Variants in SLC26A7 observed in about 807,000 individuals in gnomAD.
The protein encoded by SLC26A7 is anion exchange transporter.
In SLC26A7, 59 loss-of-function variants were observed where a neutral mutation model predicts 82.5. The observed-to-expected ratio is 0.72, with a 90% CI of 0.58 to 0.89. The LOEUF (loss-of-function observed/expected upper bound fraction) is 0.89. SLC26A7 is among the 40% of genes least tolerant of loss of function. The probability of loss-of-function intolerance (pLI) is 0.00; values close to 1 mark genes in which losing one functional copy is unlikely to be tolerated. For synonymous variants in SLC26A7, 271 were observed against 274.3 expected, an observed-to-expected ratio of 0.99 and a Z score of 0.12; for missense variants, 820 against 793.0, an observed-to-expected ratio of 1.03 and a Z score of -0.41.
At chr8:91,237,151 T>C (rs1810404298) in intron 2 of SLC26A7, among the ~76,000 whole-genome samples, 1 of 152,180 alleles carries the variant, frequency 6.6e-6, no homozygotes, top group Non-Finnish European at 1.5e-5. Context: ...GTATTTCCAA[T>C]CCAATTCACT....
rs544236379 is a variant in SLC26A7 at position 91,331,402 on chromosome 8, G to C, written c.643-2893G>C. Among the ~76,000 whole-genome samples, 8 of 152,138 alleles carry C rather than the reference G, an allele frequency of 5.3e-5. No individual in the cohort carries two copies. The South Asian group carries it at 1.7e-3, about 32-fold the overall frequency. Reference sequence around the variant, plus strand: ...ACATGTAACCTAGAGAATTCAACCAGTTCTCTTTTATTTTACTCTTTAAAT... The same window carrying C: ...ACATGTAACCTAGAGAATTCAACCACTTCTCTTTTATTTTACTCTTTAAAT... On this transcript the variant is annotated intron_variant, in intron 5 of 18. Transcript: ENST00000276609.
intron 9 of SLC26A7, among the ~76,000 whole-genome samples, chr8:91,350,824 G>A (rs1235192067): frequency 6.6e-6 from 1 of 151,990 alleles, no homozygotes; most frequent in Non-Finnish European, 1.5e-5. Flanking sequence ...ATTTCTCTTA[G>A]CCAGTCCTGA....
rs930479790 is a variant in SLC26A7 at position 91,395,942 on chromosome 8, G to A, written c.*845G>A. The A allele has an allele frequency of 1.3e-5, 2 of 152,020 alleles. No homozygotes were observed. The highest frequency in any genetic ancestry group is 2.9e-5 in the Non-Finnish European group (2 of 67,914). 9.4% of individuals were successfully genotyped at this position (152,020 alleles called of 1,614,324 possible). On this transcript the variant is annotated 3_prime_UTR_variant, in exon 19 of 19. Transcript: ENST00000276609. ...AAAATACCACTAGCAGAATAGCTTT[G>A]TGCTATTCCAGTATAAGATGAACTG... is the stretch of plus-strand genomic sequence containing the variant.
intron 2 of SLC26A7, among the ~76,000 whole-genome samples, chr8:91,285,709 C>A (rs1381166821): frequency 1.3e-5 from 2 of 152,168 alleles, no homozygotes; most frequent in Non-Finnish European, 2.9e-5. Flanking sequence ...AGCTCCATAA[C>A]CAATGGCTAT....
chr8:91,241,302 C>T (rs1017463448), intron 2 of SLC26A7, among the ~76,000 whole-genome samples: 6 of 144,584 alleles, frequency 4.1e-5, no homozygotes, highest in South Asian at 2.3e-4. Context: ...GCCTCAACTA[C>T]GTAAAGAAAG....
At chr8:91,214,016 A>G (rs1488490729) in intron 1 of SLC26A7, among the ~76,000 whole-genome samples, 1 of 151,926 alleles carries the variant, frequency 6.6e-6, no homozygotes, top group Non-Finnish European at 1.5e-5. Flanking sequence ...TGAGATATAT[A>G]TGTGTTCGTG....
chr8:91,397,026 G>A lies in SLC26A7; in HGVS notation c.*1929G>A, dbSNP rs1236865145. The A allele has an allele frequency of 6.6e-6, 1 of 152,146 alleles. No homozygotes were observed. The highest frequency in any genetic ancestry group is 1.9e-4 in the East Asian group (1 of 5,184). 9.4% of individuals were successfully genotyped at this position (152,146 alleles called of 1,614,324 possible). A position where few individuals can be genotyped will look rare whatever the true frequency, so the allele number is the denominator to read the frequency against. On this transcript the variant is annotated 3_prime_UTR_variant, in exon 19 of 19. Transcript: ENST00000276609. ...GACATTAAAATCATAGTTAATTGAT[G>A]GATGGTTTTTATAGTTTGTTGATAA...
chr8:91,273,288 C>G (rs568579924), intron 2 of SLC26A7, among the ~76,000 whole-genome samples: 1 of 151,956 alleles, frequency 6.6e-6, no homozygotes, highest in Non-Finnish European at 1.5e-5. Context: ...GGGTCTAGAC[C>G]TTAGGAAGGA....
Position 91,351,839 on chromosome 8 carries a change from C to G in SLC26A7, c.1170C>G (p.Val390=). ...CTTGTCTAATATCTTGCATTTTCGTCCTTATAGTCATCTATGCAATAGGAC... is the reference window on the plus strand; with the variant it reads ...CTTGTCTAATATCTTGCATTTTCGTGCTTATAGTCATCTATGCAATAGGAC... The part of the protein sequence containing the change: ...QVACLISCIF[V]LIVIYAIGPL... The change falls in exon 10 of 19, where the codon GTC becomes GTG. Residue 390 remains valine, a synonymous_variant. Coordinates refer to ENST00000276609, the MANE Select transcript of SLC26A7 (RefSeq NM_052832.4). 1 of 1,612,426 alleles carries G rather than the reference C, an allele frequency of 6.2e-7. No homozygotes were observed. Among genetic ancestry groups the G allele is most frequent in the East Asian group, 2.2e-5 (1 of 44,850 alleles).
At chr8:91,323,646 G>T (rs927778555) in intron 5 of SLC26A7, among the ~76,000 whole-genome samples, 4 of 151,990 alleles carry the variant, frequency 2.6e-5, no homozygotes, top group Non-Finnish European at 5.9e-5. Flanking sequence ...ATAGCAAATG[G>T]ATTTATTCCA....
chr8:91,300,461 G>A (rs1812133380), intron 4 of SLC26A7, among the ~76,000 whole-genome samples: 1 of 150,962 alleles, frequency 6.6e-6, no homozygotes, highest in Non-Finnish European at 1.5e-5. Context: ...GCAGGGGCGC[G>A]ATCTCGGCTC....
intron 15 of SLC26A7, among the ~76,000 whole-genome samples, chr8:91,379,287 A>G (rs1482691998): frequency 1.3e-5 from 2 of 152,148 alleles, no homozygotes; most frequent in Non-Finnish European, 1.5e-5. Context: ...TAAAGTTACA[A>G]TAGAATATTT....
At chr8:91,392,936 T>G (rs2130909353) in intron 16 of SLC26A7, among the ~76,000 whole-genome samples, 1 of 152,346 alleles carries the variant, frequency 6.6e-6, no homozygotes, top group African/African-American at 2.4e-5. Context: ...TGCTTTTTGC[T>G]GTTTTCTCAT....
chr8:91,241,949 C>T (rs1810479582), intron 2 of SLC26A7, among the ~76,000 whole-genome samples: 1 of 151,988 alleles, frequency 6.6e-6, no homozygotes, highest in African/African-American at 2.4e-5. Flanking sequence ...CTGAATTTTC[C>T]CTAGTTTTGA....
rs1314042286 is a variant in SLC26A7, at chr8:91,393,804, T to C, written c.1784T>C (p.Met595Thr). The C allele has an allele frequency of 6.2e-7, 1 of 1,613,384 alleles. No homozygotes were observed. The highest frequency in any genetic ancestry group is 2.2e-5 in the East Asian group (1 of 44,870). Residue 595 changes from methionine to threonine, a missense_variant, in exon 17 of 19, where the codon ATG (methionine) becomes ACG (threonine). Transcript: ENST00000276609. The part of the protein sequence containing the change: ...SGVSMLVEVY[M>T]DCKGRSVDVL... ...CTATTTTAATTCTTCCAGGTTTACATGGACTGTAAAGGCAGGAGTGTGGAT... is the reference window on the plus strand; with the variant it reads ...CTATTTTAATTCTTCCAGGTTTACACGGACTGTAAAGGCAGGAGTGTGGAT...
intron 8 of SLC26A7, among the ~76,000 whole-genome samples, chr8:91,342,377 T>A (rs1413471767): frequency 6.6e-6 from 1 of 152,202 alleles, no homozygotes; most frequent in Non-Finnish European, 1.5e-5. Flanking sequence ...ACCACAGCTC[T>A]ATGGGGCAGG....
At position 91,395,086 on chromosome 8, in the gene SLC26A7, A is replaced by C. The variant is rs760180934; in HGVS notation, c.1960A>C (p.Ser654Arg). The change falls in exon 19 of 19, where the codon AGT (serine) becomes CGT (arginine). Residue 654 changes from serine (S) to arginine (R), a missense_variant. Transcript: ENST00000276609. ...NKNLSKLSDH[S>R]EV ...GAATTTGAGCAAACTCAGTGACCAC[A>C]GTGAAGTCTGAGACCCTTTTGTCAC... The C allele has an allele frequency of 4.8e-5, 78 of 1,613,466 alleles. No homozygotes were observed. In the Middle Eastern group the frequency reaches 1.3e-3, roughly 27 times the overall value.
chr8:91,362,009 T>C (rs1814063304), intron 11 of SLC26A7, among the ~76,000 whole-genome samples: 1 of 152,142 alleles, frequency 6.6e-6, no homozygotes, highest in Admixed American at 6.6e-5. Flanking sequence ...TAATATTACA[T>C]TAAATGAGAA....
At chr8:91,259,164 A>C (rs1373705315) in intron 2 of SLC26A7, among the ~76,000 whole-genome samples, 1 of 152,120 alleles carries the variant, frequency 6.6e-6, no homozygotes, top group East Asian at 1.9e-4. Context: ...ACTTAATTTT[A>C]AAATGGAAGG....
Sources: gnomAD v4.1 joint callset for allele counts (sites outside exome capture counted in the v4.1 genomes callset) on GRCh38, gnomAD v4.1.1 for gene constraint, MANE v1.5 for transcripts, NCBI Gene and HGNC (gene_info 2026-07-23, HGNC 2026-07-21) for gene names.